The following CFAP77 variants were observed in gnomAD, a reference collection of about 807,000 sequenced individuals.
The protein encoded by CFAP77 is cilia- and flagella-associated protein 77.
In CFAP77, 25 loss-of-function variants were observed where a neutral mutation model predicts 31.1. The ratio of observed to expected loss-of-function variants is 0.80; its 90% CI spans 0.59 to 1.12. CFAP77 has a LOEUF of 1.12. CFAP77 is among the 50% of genes most tolerant of loss of function. The pLI is 0.00. For synonymous variants in CFAP77, 151 were observed against 159.9 expected (o/e 0.94, Z 0.42); for missense variants, 377 against 397.3 (o/e 0.95, Z 0.44).
At chr9:132,435,626 C>T (rs557606550) in intron 1 of CFAP77, among the ~76,000 whole-genome samples, 3 of 152,278 alleles carry the variant, frequency 2.0e-5, no homozygotes, top group South Asian at 4.1e-4. Flanking sequence ...TTCATCGATA[C>T]CGAGTGGTGT....
At chr9:132,487,566 C>T (rs1851582856) in intron 1 of CFAP77, among the ~76,000 whole-genome samples, 2 of 150,146 alleles carry the variant, frequency 1.3e-5, no homozygotes, top group African/African-American at 5.0e-5. Context: ...GGGTTTCCTT[C>T]CAGTATCTTT....
At chr9:132,434,015 T>C (rs1000540269) in intron 1 of CFAP77, among the ~76,000 whole-genome samples, 2 of 150,882 alleles carry the variant, frequency 1.3e-5, no homozygotes, top group Non-Finnish European at 2.9e-5. Context: ...GGCATGTGCC[T>C]GTAGTCCCAG....
chr9:132,422,609 G>A (rs1850237546), intron 1 of CFAP77, among the ~76,000 whole-genome samples: 1 of 152,192 alleles, frequency 6.6e-6, no homozygotes, highest in African/African-American at 2.4e-5. Context: ...TGGAGCTTTG[G>A]GGAAAGAGGG....
At chr9:132,445,601 C>T (rs1005183630) in intron 1 of CFAP77, among the ~76,000 whole-genome samples, 1 of 152,100 alleles carries the variant, frequency 6.6e-6, no homozygotes, top group African/African-American at 2.4e-5. Flanking sequence ...GGCGCGGTGG[C>T]TCACGCCTGT....
chr9:132,499,348 C>T lies in CFAP77; in HGVS notation c.296-24C>T, dbSNP rs1393507048. ...GCTTACTCCCAGGCTGACCACTGCC[C>T]CGTGGGTCTCTCCCTGCCCTCAGCC... On this transcript the variant is annotated intron_variant, in intron 2 of 5. Transcript: ENST00000393216. This position sits in a 1 kb window ranked among gnomAD's most constrained non-coding sequence, Gnocchi z 5.4. The T allele has an allele frequency of 3.1e-6, 5 of 1,609,826 alleles. No individual in the cohort carries two copies. The highest frequency in any genetic ancestry group is 3.3e-5 in the Admixed American group (2 of 59,964).
At chr9:132,526,367 C>G (rs930147015) in intron 3 of CFAP77, among the ~76,000 whole-genome samples, 2 of 151,866 alleles carry the variant, frequency 1.3e-5, no homozygotes, top group Admixed American at 6.6e-5. Context: ...GTAGCTGGGA[C>G]TACAGGTGCC....
intron 3 of CFAP77, among the ~76,000 whole-genome samples, chr9:132,505,096 C>T (rs1441704327): frequency 6.6e-6 from 1 of 152,208 alleles, no homozygotes; most frequent in African/African-American, 2.4e-5. Flanking sequence ...AAAGTCCCAC[C>T]TCAGACTGAA....
chr9:132,535,752 C>A (rs967559678), intron 3 of CFAP77, among the ~76,000 whole-genome samples: 1 of 148,894 alleles, frequency 6.7e-6, no homozygotes, highest in African/African-American at 2.5e-5. Context: ...TAAATAAAGT[C>A]ACTTGAAATC....
intron 1 of CFAP77, among the ~76,000 whole-genome samples, chr9:132,493,059 G>A (rs1445009101): frequency 6.6e-6 from 1 of 152,044 alleles, no homozygotes; most frequent in African/African-American, 2.4e-5. Flanking sequence ...AAGCCCCGTG[G>A]GTGGCCTCCG....
intron 3 of CFAP77, among the ~76,000 whole-genome samples, chr9:132,500,566 T>G (rs185644855): frequency 7.2e-5 from 11 of 152,244 alleles, no homozygotes; most frequent in Admixed American, 5.9e-4. Context: ...TCGTGAAGGG[T>G]TCAGCTTAAT....
At chr9:132,510,069 C>T (rs1852006682) in intron 3 of CFAP77, among the ~76,000 whole-genome samples, 1 of 152,178 alleles carries the variant, frequency 6.6e-6, no homozygotes. Context: ...CTCGCGGCAT[C>T]CCAAGCAGGG....
At chr9:132,520,777 TC>T (rs1304625972) in intron 3 of CFAP77, among the ~76,000 whole-genome samples, 1 of 152,000 alleles carries the variant, frequency 6.6e-6, no homozygotes, top group African/African-American at 2.4e-5. Context: ...CTGACCCAAT[TC>T]CTTCTGCCCC....
chr9:132,421,000 G>T (rs1391964238), intron 1 of CFAP77, among the ~76,000 whole-genome samples: 17 of 120,054 alleles, frequency 1.4e-4, no homozygotes, highest in African/African-American at 1.5e-4. Flanking sequence ...CTTGGCTTGT[G>T]TCTTTTTTTT....
intron 3 of CFAP77, among the ~76,000 whole-genome samples, chr9:132,524,928 G>A (rs1265684101): frequency 2.0e-5 from 3 of 149,204 alleles, no homozygotes; most frequent in East Asian, 2.0e-4. Context: ...GATTACAGGC[G>A]TGAGCCACTG....
chr9:132,439,446 G>A (rs1004964168), intron 1 of CFAP77, among the ~76,000 whole-genome samples: 1 of 151,906 alleles, frequency 6.6e-6, no homozygotes, highest in African/African-American at 2.4e-5. Flanking sequence ...TCCCCGCTCT[G>A]AGCCCTGAGC....
chr9:132,566,114 G>C (rs147302651), intron 5 of CFAP77, among the ~76,000 whole-genome samples: 157 of 152,244 alleles, frequency 1.0e-3, no homozygotes, highest in African/African-American at 3.7e-3. Flanking sequence ...CGTGACCACA[G>C]AAGGGCTTGA....
chr9:132,449,147 T>C (rs1055927870), intron 1 of CFAP77, among the ~76,000 whole-genome samples: 5 of 152,194 alleles, frequency 3.3e-5, no homozygotes, highest in African/African-American at 9.7e-5. Flanking sequence ...TGCCATAAAG[T>C]TGATCCATTT....
intron 1 of CFAP77, among the ~76,000 whole-genome samples, chr9:132,417,728 A>G (rs1270336129): frequency 6.6e-6 from 1 of 152,262 alleles, no homozygotes; most frequent in East Asian, 1.9e-4. Flanking sequence ...AGAGCTTAAT[A>G]AGTGAGCATT....
intron 1 of CFAP77, among the ~76,000 whole-genome samples, chr9:132,430,271 C>G (rs1329781703): frequency 6.6e-6 from 1 of 151,858 alleles, no homozygotes; most frequent in Non-Finnish European, 1.5e-5. Flanking sequence ...TTTCTCTGTC[C>G]TTTCGTGGCA....
Sources: allele counts gnomAD v4.1 joint callset (sites outside exome capture counted in the v4.1 genomes callset), GRCh38; gene constraint gnomAD v4.1.1; non-coding constraint Gnocchi (gnomAD v3.1); transcripts MANE v1.5; gene names NCBI Gene and HGNC (gene_info 2026-07-23, HGNC 2026-07-21).